The following MTOR variants were observed in gnomAD, a reference collection of about 807,000 sequenced individuals.
The protein encoded by MTOR is mechanistic target of rapamycin kinase.
A neutral mutation model predicts 319.8 loss-of-function variants in MTOR; 70 were observed. The observed-to-expected ratio is 0.22, with a 90% CI of 0.18 to 0.27. The LOEUF (loss-of-function observed/expected upper bound fraction) is 0.27. MTOR is among the 10% of genes least tolerant of loss of function. The pLI is 1.00. For missense variants in MTOR, 1,890 were observed against 3,274.4 expected, an observed-to-expected ratio of 0.58 and a Z score of 10.32; for synonymous variants, 1,183 against 1,211.4, an observed-to-expected ratio of 0.98 and a Z score of 0.49.
intron 34 of MTOR, among the ~76,000 whole-genome samples, chr1:11,142,489 T>A (rs1486483524): frequency 1.3e-4 from 19 of 151,528 alleles, no homozygotes; most frequent in Admixed American, 7.9e-4. Context: ...AGAGAGGGGG[T>A]TTCTCTATGT....
At chr1:11,108,753 G>A (rs1441458257) in intron 56 of MTOR, among the ~76,000 whole-genome samples, 6 of 150,154 alleles carry the variant, frequency 4.0e-5, no homozygotes, top group South Asian at 2.1e-4. Context: ...AGAAAAATTC[G>A]GCCGGGTGCG....
At chr1:11,184,886 C>T (rs574959252) in intron 28 of MTOR, among the ~76,000 whole-genome samples, 3 of 152,326 alleles carry the variant, frequency 2.0e-5, no homozygotes, top group East Asian at 3.9e-4. Context: ...CTGGGCTCCC[C>T]GGGCACGGCC....
At chr1:11,259,657 C>A (rs751026942) in intron 1 of MTOR, among the ~76,000 whole-genome samples, 4 of 152,142 alleles carry the variant, frequency 2.6e-5, no homozygotes, top group South Asian at 2.1e-4. Flanking sequence ...ATCGGCCTAG[C>A]CTACTTGGGT....
At chr1:11,262,078 C>A (rs1285014255) in intron 1 of MTOR, among the ~76,000 whole-genome samples, 3 of 152,118 alleles carry the variant, frequency 2.0e-5, no homozygotes, top group African/African-American at 7.2e-5. Context: ...CAGTGGAGGA[C>A]AAGGGGCTGA....
At chr1:11,249,894 C>T (rs373463074) in intron 6 of MTOR, among the ~76,000 whole-genome samples, 2 of 150,874 alleles carry the variant, frequency 1.3e-5, no homozygotes, top group South Asian at 2.1e-4. Flanking sequence ...TCCACAAAAC[C>T]GCCACTGTCA....
intron 53 of MTOR, among the ~76,000 whole-genome samples, 185 bp from the exon 54 acceptor site, chr1:11,113,102 G>T (rs1641980597): frequency 1.3e-5 from 2 of 152,164 alleles, no homozygotes; most frequent in African/African-American, 2.4e-5. Flanking sequence ...AACCCAGGGG[G>T]ACACTCTATA....
In MTOR at chr1:11,115,309, T is replaced by C; in HGVS notation, c.7089+87A>G. The C allele has an allele frequency of 3.1e-6, 4 of 1,306,300 alleles. No individual in the cohort carries two copies. The highest frequency in any genetic ancestry group is 4.4e-6 in the Non-Finnish European group (4 of 901,832). 80.9% of individuals were successfully genotyped at this position (1,306,300 alleles called of 1,614,324 possible). The stretch of plus-strand genomic sequence containing the variant: ...AGCAGGGGTTAAGAGTAAGGCAGTT[T>C]GGGCTTAAGTCTGCCTACAGTGTCA... On this transcript the variant is annotated intron_variant, in intron 51 of 57. Coordinates refer to ENST00000361445, the MANE Select transcript of MTOR (RefSeq NM_004958.4). The surrounding 1 kb of genome is among the most constrained non-coding windows in gnomAD (Gnocchi z 4.5).
At chr1:11,146,322 T>C (rs1029130965) in intron 32 of MTOR, among the ~76,000 whole-genome samples, 3 of 152,212 alleles carry the variant, frequency 2.0e-5, no homozygotes, top group Non-Finnish European at 2.9e-5. Flanking sequence ...CAGAAGACCC[T>C]TGTGACTGAT....
intron 28 of MTOR, among the ~76,000 whole-genome samples, chr1:11,185,103 C>CT (rs1198580598): frequency 1.3e-5 from 2 of 152,198 alleles, no homozygotes; most frequent in African/African-American, 4.8e-5. Flanking sequence ...TCCTTGTCCT[C>CT]TGTGTCTCCC....
intron 8 of MTOR, among the ~76,000 whole-genome samples, chr1:11,244,824 T>C (rs988703240): frequency 6.6e-6 from 1 of 152,232 alleles, no homozygotes; most frequent in African/African-American, 2.4e-5. Flanking sequence ...GAATATTCAT[T>C]ACAGTAACAT....
At chr1:11,167,659 C>T (rs1571049850) in intron 28 of MTOR, 142 bp from the exon 29 acceptor site, 1 of 654,472 alleles carries the variant, frequency 1.5e-6, no homozygotes, top group Non-Finnish European at 2.7e-6. Context: ...TATCTATTAC[C>T]ATCCAGAAAG....
rs79913115 is a variant in MTOR at position 11,109,993 on chromosome 1, C to A, written c.7367-264G>T. Among the ~76,000 whole-genome samples the A allele has an allele frequency of 3.3e-3, 423 of 129,522 alleles. No homozygotes were observed. Among genetic ancestry groups the A allele is most frequent in the Middle Eastern group, 3.9e-3 (1 of 258 alleles). 85.0% of individuals were successfully genotyped at this position (129,522 alleles called of 152,430 possible). Reference sequence around the variant, plus strand: ...CAAGACCAGCCTGAGACTCCATTTGCAAAAAAAAAAAAAAAAATTTTTAAA... The same window carrying A: ...CAAGACCAGCCTGAGACTCCATTTGAAAAAAAAAAAAAAAAAATTTTTAAA... On this transcript the variant is annotated intron_variant, in intron 54 of 57. Transcript: ENST00000361445. The surrounding 1 kb of genome is among the most constrained non-coding windows in gnomAD (Gnocchi z 4.0).
chr1:11,128,667 T>C lies in MTOR; in HGVS notation c.5812-115A>G. On this transcript the variant is annotated intron_variant, in intron 41 of 57. Coordinates refer to ENST00000361445, the MANE Select transcript of MTOR (RefSeq NM_004958.4). The surrounding 1 kb of genome is among the most constrained non-coding windows in gnomAD (Gnocchi z 5.3). Reference sequence around the variant, plus strand: ...TCGGTTGATGCTCTGAAATGGTTCATTCCCTTCCCTTTAGTTTCTAAAAGA... The same window carrying C: ...TCGGTTGATGCTCTGAAATGGTTCACTCCCTTCCCTTTAGTTTCTAAAAGA... The C allele has an allele frequency of 1.8e-6, 2 of 1,139,320 alleles. No homozygotes were observed. Among genetic ancestry groups the C allele is most frequent in the Middle Eastern group, 2.0e-4 (1 of 5,022 alleles). 70.6% of individuals were successfully genotyped at this position (1,139,320 alleles called of 1,614,324 possible).
In MTOR at chr1:11,157,204, C is replaced by G; in HGVS notation, c.4417G>C (p.Asp1473His). The change falls in exon 30 of 58, where the codon GAC becomes CAC. Residue 1473 changes from aspartate to histidine, a missense_variant. Coordinates refer to ENST00000361445, the MANE Select transcript of MTOR (RefSeq NM_004958.4). ...ATGCGGCCCAGCATCAGCTCTGGGT[C>G]GTCCTTGTTGGTGTCCATTTTCTTG... The part of the protein sequence containing the change: ...YDKKMDTNKD[D>H]PELMLGRMRC... 6.2e-7 allele frequency: 1 copy of G among 1,614,018 alleles called. No individual in the cohort carries two copies. Among genetic ancestry groups the G allele is most frequent in the Admixed American group, 1.7e-5 (1 of 60,018 alleles).
At chr1:11,227,318 A>G (rs1414248487) in intron 19 of MTOR, among the ~76,000 whole-genome samples, 1 of 150,664 alleles carries the variant, frequency 6.6e-6, no homozygotes, top group Non-Finnish European at 1.5e-5. Context: ...AAAAAAAAAA[A>G]AAAAAAAATT....
intron 28 of MTOR, among the ~76,000 whole-genome samples, chr1:11,193,159 A>T (rs1645616817): frequency 1.3e-5 from 2 of 151,972 alleles, no homozygotes; most frequent in Admixed American, 6.6e-5. Context: ...TCTACTAAAA[A>T]TACAAAAATT....
chr1:11,255,962 C>T, intron 5 of MTOR, 30 bp downstream of exon 5: 1 of 1,597,922 alleles, frequency 6.3e-7, no homozygotes, highest in Non-Finnish European at 8.6e-7. Flanking sequence ...ATGTGCTTTG[C>T]TAGTGGTGGG....
At chr1:11,233,825 T>C (rs905132061) in intron 14 of MTOR, among the ~76,000 whole-genome samples, 12 of 152,224 alleles carry the variant, frequency 7.9e-5, no homozygotes, top group African/African-American at 2.4e-4. Context: ...GTTTCAGATT[T>C]TCAAGCTCAT....
chr1:11,109,818 CT>C lies in MTOR; in HGVS notation c.7367-90del. On this transcript the variant is annotated intron_variant, in intron 54 of 57. Transcript: ENST00000361445. The surrounding 1 kb of genome is among the most constrained non-coding windows in gnomAD (Gnocchi z 4.0). ...ATCTAATTCTCTACGCACTCTATTC[CT>C]TTAACGCCTGCCCTACCTACCCTAA... The C allele has an allele frequency of 9.1e-7, 1 of 1,096,256 alleles. No individual in the cohort carries two copies. Among genetic ancestry groups the C allele is most frequent in the South Asian group, 1.3e-5 (1 of 79,640 alleles). 67.9% of individuals were successfully genotyped at this position (1,096,256 alleles called of 1,614,324 possible). A position where few individuals can be genotyped will look rare whatever the true frequency, so the allele number is the denominator to read the frequency against.
Sources: gnomAD v4.1 joint callset for allele counts (sites outside exome capture counted in the v4.1 genomes callset) on GRCh38, gnomAD v4.1.1 for gene constraint, Gnocchi (gnomAD v3.1) non-coding constraint, MANE v1.5 for transcripts, NCBI Gene and HGNC (gene_info 2026-07-23, HGNC 2026-07-21) for gene names.